The following SYK variants were observed in gnomAD, a reference collection of about 807,000 sequenced individuals.
SYK encodes the protein tyrosine-protein kinase SYK.
Under a neutral mutation model 77.8 loss-of-function variants are expected in SYK, and 16 were observed. The observed-to-expected ratio is 0.21, with a 90% confidence interval of 0.14 to 0.31. The LOEUF is 0.31. SYK is among the 10% of genes least tolerant of loss of function. The probability of loss-of-function intolerance (pLI) is 1.00; values close to 1 mark genes in which losing one functional copy is unlikely to be tolerated. For missense variants in SYK, 529 were observed against 814.4 expected, an observed-to-expected ratio of 0.65 and a Z score of 4.26; for synonymous variants, 312 against 308.7, an observed-to-expected ratio of 1.01 and a Z score of -0.11.
Position 90,896,071 on chromosome 9 carries a change from T to C in SYK, c.*471T>C, listed in dbSNP as rs2119015068. ...AAAGGCAGAGGAATTTGGCTGCTTC[T>C]ACGGCCATGAGACTGATCCCTGGCC... On this transcript the variant is annotated 3_prime_UTR_variant, in exon 14 of 14. Coordinates refer to ENST00000375754, the MANE Select transcript of SYK (RefSeq NM_003177.7). 4.2e-6 allele frequency: 1 copy of C among 235,472 alleles called. No homozygotes were observed. 14.6% of individuals were successfully genotyped at this position (235,472 alleles called of 1,614,324 possible).
intron 1 of SYK, among the ~76,000 whole-genome samples, chr9:90,804,079 T>C (rs1326105111): frequency 1.3e-5 from 2 of 152,160 alleles, no homozygotes; most frequent in Admixed American, 6.5e-5. Context: ...ACTGAGTCTG[T>C]ATTAGACTCC....
intron 11 of SYK, among the ~76,000 whole-genome samples, chr9:90,879,686 G>T (rs141554234): frequency 6.6e-6 from 1 of 152,366 alleles, no homozygotes; most frequent in East Asian, 1.9e-4. Flanking sequence ...CTGGAAAGAA[G>T]AGATCTAGAT....
intron 1 of SYK, among the ~76,000 whole-genome samples, chr9:90,807,335 G>A (rs776406335): frequency 1.4e-4 from 22 of 152,198 alleles, no homozygotes; most frequent in Non-Finnish European, 2.1e-4. Context: ...AACAATATAT[G>A]AATTATGTGG....
chr9:90,828,664 A>G (rs1825768080), intron 1 of SYK, among the ~76,000 whole-genome samples: 2 of 152,288 alleles, frequency 1.3e-5, no homozygotes, highest in Middle Eastern at 3.4e-3. Context: ...CACAAAAGCT[A>G]GCTCTCTTTT....
At chr9:90,819,203 A>T (rs1474240624) in intron 1 of SYK, among the ~76,000 whole-genome samples, 1 of 152,218 alleles carries the variant, frequency 6.6e-6, no homozygotes, top group Non-Finnish European at 1.5e-5. Flanking sequence ...ATAAAGAATG[A>T]ATGTGAGTCA....
intron 7 of SYK, among the ~76,000 whole-genome samples, chr9:90,873,590 G>T (rs1048580450): frequency 6.6e-6 from 1 of 152,154 alleles, no homozygotes; most frequent in Non-Finnish European, 1.5e-5. Context: ...GGCAGCTGGA[G>T]CATTGCTGGC....
At chr9:90,867,339 C>A in intron 7 of SYK, 140 bp downstream of exon 7, 1 of 845,238 alleles carries the variant, frequency 1.2e-6, no homozygotes, top group East Asian at 2.5e-5. Flanking sequence ...TGCCCTTGCT[C>A]ACACCTGCTG....
intron 1 of SYK, among the ~76,000 whole-genome samples, chr9:90,833,924 G>T (rs914881261): frequency 1.3e-5 from 2 of 152,166 alleles, no homozygotes; most frequent in Non-Finnish European, 2.9e-5. Context: ...GGATATGATG[G>T]GCTCATCCAT....
chr9:90,875,235 C>CAAAA (rs200459011), intron 9 of SYK, among the ~76,000 whole-genome samples: 2 of 149,518 alleles, frequency 1.3e-5, no homozygotes, highest in African/African-American at 4.9e-5. Flanking sequence ...CCTGTCTCTA[C>CAAAA]AAAAAAAATA....
At chr9:90,832,102 A>G (rs1247559489) in intron 1 of SYK, among the ~76,000 whole-genome samples, 1 of 152,240 alleles carries the variant, frequency 6.6e-6, no homozygotes, top group African/African-American at 2.4e-5. Context: ...GATTGACAAA[A>G]AAGTTGTAAC....
At chr9:90,876,268 C>A (rs1439930305) in intron 9 of SYK, among the ~76,000 whole-genome samples, 18 of 123,250 alleles carry the variant, frequency 1.5e-4, no homozygotes, top group Non-Finnish European at 2.0e-4. Context: ...GCCTGGGCAA[C>A]AAGAGTGAAA....
chr9:90,878,683 C>A, intron 10 of SYK, 81 bp from the exon 11 acceptor site: 1 of 1,212,016 alleles, frequency 8.3e-7, no homozygotes, highest in Non-Finnish European at 1.2e-6. Flanking sequence ...GATTCACCCA[C>A]TGCCTGCGTG....
chr9:90,856,710 A>G (rs1827051963), intron 3 of SYK, among the ~76,000 whole-genome samples: 1 of 152,068 alleles, frequency 6.6e-6, no homozygotes, highest in South Asian at 2.1e-4. Flanking sequence ...CATAGTTTAT[A>G]TTCTATATCT....
intron 1 of SYK, among the ~76,000 whole-genome samples, chr9:90,814,766 A>G (rs1476307397): frequency 1.3e-5 from 2 of 152,066 alleles, no homozygotes; most frequent in Admixed American, 6.5e-5. Flanking sequence ...AGTCTTGTCC[A>G]TGGGGCCCTG....
At chr9:90,855,749 A>T (rs1827015267) in intron 3 of SYK, among the ~76,000 whole-genome samples, 1 of 151,770 alleles carries the variant, frequency 6.6e-6, no homozygotes. Context: ...AACCATCTGG[A>T]GGGCTGGCAA....
intron 11 of SYK, among the ~76,000 whole-genome samples, chr9:90,886,435 T>C (rs941915153): frequency 3.9e-5 from 6 of 152,224 alleles, no homozygotes; most frequent in Non-Finnish European, 8.8e-5. Context: ...CTGGGCACGG[T>C]GGCTCACACC....
intron 2 of SYK, among the ~76,000 whole-genome samples, chr9:90,845,188 G>A (rs1459551762): frequency 3.3e-5 from 5 of 152,158 alleles, no homozygotes; most frequent in Non-Finnish European, 7.3e-5. Context: ...CATCCTCCTT[G>A]GCCTCCCAAA....
rs1197138967 is a variant in SYK at position 90,897,961 on chromosome 9, G to A, written c.*2361G>A. 8.7e-6 allele frequency: 2 copies of A among 229,112 alleles called. No homozygotes were observed. The highest frequency in any genetic ancestry group is 4.4e-5 in the African/African-American group (2 of 45,210). The allele number at this position is 229,112 out of a possible 1,614,324, so 14.2% of individuals were successfully genotyped here. ...TTGAAGGATTGGTCATGTGAAAAGGGCTACATTTGGGAAGCTGGGAAAGGC... is the reference window on the plus strand; with the variant it reads ...TTGAAGGATTGGTCATGTGAAAAGGACTACATTTGGGAAGCTGGGAAAGGC... On this transcript the variant is annotated 3_prime_UTR_variant, in exon 14 of 14. Coordinates refer to ENST00000375754, the MANE Select transcript of SYK (RefSeq NM_003177.7).
Position 90,878,951 on chromosome 9 carries a change from A to G in SYK, c.1579A>G (p.Lys527Glu). The change falls in exon 11 of 14, where the codon AAG becomes GAG. Residue 527 changes from lysine to glutamate, a missense_variant and splice_region_variant. Physicochemically the swap from Lys to Glu is moderately conservative, Grantham distance 56 (BLOSUM62 1). Coordinates refer to ENST00000375754, the MANE Select transcript of SYK (RefSeq NM_003177.7). Reference sequence around the variant, plus strand: ...ACTGCGTGCTGATGAAAACTACTACAAGGTAAGTACAACTTAGCTAATATT... The same window carrying G: ...ACTGCGTGCTGATGAAAACTACTACGAGGTAAGTACAACTTAGCTAATATT... ...KALRADENYY[K>E]AQTHGKWPVK... The G allele has an allele frequency of 6.2e-7, 1 of 1,606,102 alleles. No homozygotes were observed. Among genetic ancestry groups the G allele is most frequent in the Non-Finnish European group, 8.5e-7 (1 of 1,173,046 alleles).
Sources: allele counts gnomAD v4.1 joint callset (sites outside exome capture counted in the v4.1 genomes callset), GRCh38; gene constraint gnomAD v4.1.1; transcripts MANE v1.5; gene names NCBI Gene and HGNC (gene_info 2026-07-23, HGNC 2026-07-21).